Variants in STK38 observed in about 807,000 individuals in gnomAD.
STK38 encodes the protein serine/threonine kinase 38, also known as serine/threonine-protein kinase 38.
In STK38, 26 loss-of-function variants were observed where a neutral mutation model predicts 59.0. The observed-to-expected ratio is 0.44, with a 90% CI of 0.32 to 0.61. The LOEUF (loss-of-function observed/expected upper bound fraction) is 0.61. STK38 is among the 20% of genes least tolerant of loss of function. The pLI, the probability that STK38 is intolerant of heterozygous loss-of-function variation, is 0.04. For missense variants in STK38, 433 were observed against 566.0 expected, an observed-to-expected ratio of 0.76 and a Z score of 2.38; for synonymous variants, 175 against 176.6, an observed-to-expected ratio of 0.99 and a Z score of 0.07.
intron 1 of STK38, among the ~76,000 whole-genome samples, chr6:36,543,752 C>G (rs1777998478): frequency 6.6e-6 from 1 of 152,174 alleles, no homozygotes; most frequent in Non-Finnish European, 1.5e-5. Context: ...AGCGATTCTC[C>G]TGCCTCAGCC....
At position 36,499,625 on chromosome 6, in the gene STK38, G is replaced by A. The variant is rs565212140; in HGVS notation, c.952+248C>T. Among the ~76,000 whole-genome samples, 14 of 152,310 alleles carry A rather than the reference G, an allele frequency of 9.2e-5. No individual in the cohort carries two copies. The East Asian group carries it at 1.3e-3, about 15-fold the overall frequency. ...GTGACTAAAAGAGCTTCTAGATGGA[G>A]AAGATGAAGGTATAAGAGAAAGAAA... On this transcript the variant is annotated intron_variant, in intron 10 of 13. Transcript: ENST00000229812.
At chr6:36,499,547 A>G (rs960973420) in intron 10 of STK38, among the ~76,000 whole-genome samples, 1 of 152,226 alleles carries the variant, frequency 6.6e-6, no homozygotes. Context: ...TAGGAAAGTG[A>G]GGCAATGCCC....
chr6:36,515,204 TAAA>T, intron 7 of STK38, 131 bp downstream of exon 7: 1 of 905,458 alleles, frequency 1.1e-6, no homozygotes, highest in Non-Finnish European at 1.6e-6. Context: ...CTTACCTGTT[TAAA>T]AAAAAAAGGA....
Position 36,495,646 on chromosome 6 carries a change from C to T in STK38, c.*138G>A. The T allele has an allele frequency of 1.8e-6, 2 of 1,130,324 alleles. No homozygotes were observed. Among genetic ancestry groups the T allele is most frequent in the Non-Finnish European group, 2.4e-6 (2 of 816,572 alleles). The allele number at this position is 1,130,324 out of a possible 1,614,324, so 70.0% of individuals were successfully genotyped here. ...TGCATTATGGAAGAAAATCCTCTTA[C>T]TACCACATTTCAGGAGACTTTACTA... On this transcript the variant is annotated 3_prime_UTR_variant, in exon 14 of 14. Transcript: ENST00000229812.
chr6:36,499,034 G>T (rs1176495728), intron 10 of STK38, among the ~76,000 whole-genome samples: 3 of 152,104 alleles, frequency 2.0e-5, no homozygotes, highest in African/African-American at 7.2e-5. Context: ...GTGAAATCAT[G>T]CCTCTGGTAC....
intron 9 of STK38, among the ~76,000 whole-genome samples, chr6:36,506,051 G>A (rs1776954357): frequency 6.6e-6 from 1 of 152,170 alleles, no homozygotes; most frequent in East Asian, 1.9e-4. Flanking sequence ...TAGGCACAAA[G>A]TCAAATGCAT....
At position 36,498,484 on chromosome 6, in the gene STK38, A is replaced by G; in HGVS notation, c.955T>C (p.Tyr319His). The change falls in exon 11 of 14, where the codon TAC becomes CAC. Residue 319 changes from tyrosine to histidine, a missense_variant and splice_region_variant. Around this residue, in one of 3 missense-constraint regions of STK38, gnomAD observed 4 missense variants for 21.2 expected, o/e 0.19. Transcript: ENST00000229812. ...GVIMYEMLIGYPPFCSETPQE... is the reference protein window; with the variant it reads ...GVIMYEMLIGHPPFCSETPQE... ...GGGGTCTCAGAACAGAAAGGTGGGT[A>G]GCCTGTAATAAAAAAGGAACTTCGG... is the stretch of plus-strand genomic sequence containing the variant. 1.2e-6 allele frequency: 2 copies of G among 1,608,234 alleles called. No homozygotes were observed. The highest frequency in any genetic ancestry group is 1.7e-6 in the Non-Finnish European group (2 of 1,178,636).
At chr6:36,495,969 C>T in intron 13 of STK38, 55 bp from the exon 14 acceptor site, 2 of 1,604,974 alleles carry the variant, frequency 1.2e-6, no homozygotes, top group South Asian at 2.2e-5. Flanking sequence ...CAATGGACTG[C>T]TCACGGTGCT....
intron 10 of STK38, among the ~76,000 whole-genome samples, chr6:36,499,293 CCA>C (rs1776782163): frequency 6.6e-6 from 1 of 152,160 alleles, no homozygotes; most frequent in South Asian, 2.1e-4. Context: ...CCCTATCACC[CCA>C]TCTTCCCTCC....
At position 36,496,792 on chromosome 6, in the gene STK38, C is replaced by T. The variant is rs916197266; in HGVS notation, c.1186G>A (p.Ala396Thr). ...ATGCTTTTGATTTCAATAGATATTG[C>T]AGCAGGTCTCTCTCTGCCAAGAATA... is the stretch of plus-strand genomic sequence containing the variant. ...DWEHIRERPA[A>T]ISIEIKSIDD... is the part of the protein sequence containing the mutation. The change falls in exon 13 of 14, where the codon GCA becomes ACA. Residue 396 changes from alanine (A) to threonine (T), a missense_variant. Ala to Thr is a moderately conservative substitution (Grantham distance 58, BLOSUM62 0). Transcript: ENST00000229812. 8 of 1,612,390 alleles carry T rather than the reference C, an allele frequency of 5.0e-6. No individual in the cohort carries two copies. In the African/African-American group the frequency reaches 9.4e-5, roughly 19 times the overall value.
At chr6:36,507,386 T>C (rs1208473686) in intron 8 of STK38, 114 bp downstream of exon 8, 4 of 873,074 alleles carry the variant, frequency 4.6e-6, no homozygotes, top group Non-Finnish European at 5.5e-6. Context: ...GTATTTTTAT[T>C]CTCTACATAC....
chr6:36,510,514 C>T (rs1419335772), intron 7 of STK38, among the ~76,000 whole-genome samples: 1 of 152,196 alleles, frequency 6.6e-6, no homozygotes, highest in Admixed American at 6.5e-5. Flanking sequence ...GGCAGGGCTC[C>T]CGCTTGTTCC....
chr6:36,539,779 T>C (rs1007556091), intron 2 of STK38, among the ~76,000 whole-genome samples: 4 of 143,250 alleles, frequency 2.8e-5, no homozygotes, highest in Non-Finnish European at 6.0e-5. Flanking sequence ...AGATACAGAG[T>C]CTCAGTGTTG....
At chr6:36,495,973 C>T (rs1340761460) in intron 13 of STK38, 59 bp from the exon 14 acceptor site, 23 of 1,598,018 alleles carry the variant, frequency 1.4e-5, no homozygotes, top group Middle Eastern at 1.7e-4. Context: ...GGACTGCTCA[C>T]GGTGCTGAAG....
chr6:36,539,160 T>C (rs1582465946), intron 2 of STK38, among the ~76,000 whole-genome samples: 1 of 151,448 alleles, frequency 6.6e-6, no homozygotes, highest in African/African-American at 2.4e-5. Context: ...CCGAGGCAGG[T>C]GGAATGCCTG....
intron 4 of STK38, among the ~76,000 whole-genome samples, chr6:36,522,027 C>T (rs947298160): frequency 6.6e-6 from 1 of 152,164 alleles, no homozygotes; most frequent in African/African-American, 2.4e-5. Flanking sequence ...TCCTCAAATA[C>T]CTCTACATCT....
intron 2 of STK38, among the ~76,000 whole-genome samples, chr6:36,534,031 A>G (rs1777730594): frequency 6.6e-6 from 1 of 152,228 alleles, no homozygotes; most frequent in South Asian, 2.1e-4. Context: ...TTACACCCTC[A>G]TGAAGAACAG....
At chr6:36,537,695 C>T (rs1375645081) in intron 2 of STK38, among the ~76,000 whole-genome samples, 1 of 151,742 alleles carries the variant, frequency 6.6e-6, no homozygotes, top group Non-Finnish European at 1.5e-5. Flanking sequence ...CCCCGGAGTT[C>T]GAGACCAGCC....
At chr6:36,528,190 C>T (rs1231616371) in intron 2 of STK38, among the ~76,000 whole-genome samples, 2 of 151,926 alleles carry the variant, frequency 1.3e-5, no homozygotes, top group Non-Finnish European at 2.9e-5. Flanking sequence ...CTACAAATGC[C>T]ACACCAAGAA....
Sources: allele counts gnomAD v4.1 joint callset (sites outside exome capture counted in the v4.1 genomes callset), GRCh38; gene constraint gnomAD v4.1.1; regional missense constraint gnomAD v4.1.1; transcripts MANE v1.5; gene names NCBI Gene and HGNC (gene_info 2026-07-23, HGNC 2026-07-21).